FBXO34: variants seen among roughly 807,000 people sequenced by gnomAD.
FBXO34 encodes the protein F-box only protein 34.
Under a neutral mutation model 24.5 loss-of-function variants are expected in FBXO34, and 12 were observed. That is an observed-to-expected ratio of 0.49 (90% CI 0.31 to 0.79). FBXO34 has a LOEUF of 0.79. Ranked by LOEUF, FBXO34 falls within the 30% of genes least tolerant of loss-of-function variation. The pLI, the probability that FBXO34 is intolerant of heterozygous loss-of-function variation, is 0.04. For synonymous variants in FBXO34, 320 were observed against 311.9 expected (o/e 1.03, Z -0.27); for missense variants, 823 against 857.7 (o/e 0.96, Z 0.51).
chr14:55,374,353 A>C (rs1566577366), downstream of FBXO34, among the ~76,000 whole-genome samples: 1 of 152,094 alleles, frequency 6.6e-6, no homozygotes, highest in Non-Finnish European at 1.5e-5. Flanking sequence ...TTCTTGTGTG[A>C]GCCGCATGTT....
chr14:55,380,875 ATTTTT>A, the FBXO34 span, among the ~76,000 whole-genome samples: 1 of 112,732 alleles, frequency 8.9e-6, no homozygotes, highest in Admixed American at 9.0e-5. Flanking sequence ...ATATATATAT[ATTTTT>A]TTTTTTTTTT....
intron 1 of FBXO34, among the ~76,000 whole-genome samples, chr14:55,312,995 G>A (rs139727896): frequency 1.3e-5 from 2 of 152,224 alleles, no homozygotes; most frequent in Admixed American, 1.3e-4. Flanking sequence ...TTTCTTTTCT[G>A]TCACATCATC....
chr14:55,291,711 C>T (rs534864237), intron 1 of FBXO34, among the ~76,000 whole-genome samples: 1 of 152,118 alleles, frequency 6.6e-6, no homozygotes, highest in East Asian at 1.9e-4. Context: ...TGACATGCAC[C>T]TGTAATCCCA....
chr14:55,341,314 T>C (rs1299065876), intron 1 of FBXO34, among the ~76,000 whole-genome samples: 1 of 152,086 alleles, frequency 6.6e-6, no homozygotes, highest in East Asian at 1.9e-4. Flanking sequence ...ATATTGAAGA[T>C]GGGAGGGGGT....
At chr14:55,323,218 A>AAAATATAT (rs1566555819) in intron 1 of FBXO34, among the ~76,000 whole-genome samples, 2 of 31,626 alleles carry the variant, frequency 6.3e-5, no homozygotes, top group Non-Finnish European at 8.4e-5. Context: ...AAAAAAAAAA[A>AAAATATAT]ATATATATTT....
the FBXO34 span, among the ~76,000 whole-genome samples, chr14:55,398,689 C>T: frequency 6.6e-6 from 1 of 151,952 alleles, no homozygotes; most frequent in Non-Finnish European, 1.5e-5. Flanking sequence ...TATGGTATGC[C>T]GTGGAGAAAG....
intron 1 of FBXO34, chr14:55,339,396 G>C (rs1218942610): frequency 8.2e-6 from 1 of 121,514 alleles, no homozygotes; most frequent in Non-Finnish European, 1.6e-5. Flanking sequence ...CCCCAATCCT[G>C]GATCTATGCT....
chr14:55,319,859 T>TAG (rs1883068205), intron 1 of FBXO34, among the ~76,000 whole-genome samples: 1 of 152,086 alleles, frequency 6.6e-6, no homozygotes, highest in Non-Finnish European at 1.5e-5. Flanking sequence ...GTATTTTTAG[T>TAG]AGAGACGGGG....
At chr14:55,369,849 C>A, downstream of FBXO34, 1 of 1,614,202 alleles carries the variant, frequency 6.2e-7, no homozygotes, top group Non-Finnish European at 8.5e-7. Flanking sequence ...CCGCTCTCAT[C>A]TGATTCTCCA....
the FBXO34 span, among the ~76,000 whole-genome samples, chr14:55,441,731 T>G: frequency 2.0e-5 from 3 of 152,190 alleles, no homozygotes; most frequent in South Asian, 4.1e-4. Flanking sequence ...AGAGCTTAAC[T>G]GTGTAGAACA....
chr14:55,322,094 G>T (rs903491103), intron 1 of FBXO34, among the ~76,000 whole-genome samples: 2 of 151,856 alleles, frequency 1.3e-5, no homozygotes, highest in African/African-American at 4.8e-5. Context: ...AGGCTGAGGC[G>T]AGCGGATCAC....
At chr14:55,400,058 T>C in the FBXO34 span, among the ~76,000 whole-genome samples, 3 of 152,220 alleles carry the variant, frequency 2.0e-5, no homozygotes, top group African/African-American at 7.2e-5. Context: ...ATGAGTCACG[T>C]CCTCCTTCAT....
rs36092404 is a variant in FBXO34 at position 55,279,285 on chromosome 14, A to AG, written c.-11+7748_-11+7749insG. On this transcript the variant is annotated intron_variant, in intron 1 of 1. Transcript: ENST00000313833. ...TGGGCGACATAAGCGAGACTCCGTC[A>AG]AAAAAAAAAAAAAAGGAAAAAATAT... Among the ~76,000 whole-genome samples the AG allele has an allele frequency of 4.3e-4, 19 of 44,504 alleles. No individual in the cohort carries two copies. The African/African-American group carries it at 4.7e-3, about 11-fold the overall frequency. 29.2% of individuals were successfully genotyped at this position (44,504 alleles called of 152,430 possible). A position where few individuals can be genotyped will look rare whatever the true frequency, so the allele number is the denominator to read the frequency against.
At chr14:55,368,344 C>G (rs548096845), downstream of FBXO34, 1 of 152,370 alleles carries the variant, frequency 6.6e-6, no homozygotes, top group Admixed American at 6.5e-5. Flanking sequence ...CGCAGCCTCC[C>G]GAGTAGCTGG....
intron 1 of FBXO34, among the ~76,000 whole-genome samples, chr14:55,307,849 A>G (rs1161900551): frequency 1.3e-5 from 2 of 152,190 alleles, no homozygotes; most frequent in African/African-American, 2.4e-5. Flanking sequence ...TATGACTGTT[A>G]GCATTTATTC....
downstream of FBXO34, among the ~76,000 whole-genome samples, chr14:55,370,963 T>A (rs986832491): frequency 4.6e-5 from 7 of 151,956 alleles, no homozygotes; most frequent in African/African-American, 1.4e-4. Flanking sequence ...CTTTTTCCCC[T>A]CCCTTTCAAA....
chr14:55,298,860 A>T (rs1882238219), intron 1 of FBXO34: 4 of 1,610,430 alleles, frequency 2.5e-6, no homozygotes, highest in Non-Finnish European at 3.4e-6. Context: ...GATCGACGGT[A>T]CATTATCAAC....
At chr14:55,362,771 A>T (rs565381256), downstream of FBXO34, among the ~76,000 whole-genome samples, 1 of 151,854 alleles carries the variant, frequency 6.6e-6, no homozygotes, top group Non-Finnish European at 1.5e-5. Context: ...CCATCAAACC[A>T]CTTGGCACTT....
At chr14:55,417,438 A>AGAT in the FBXO34 span, among the ~76,000 whole-genome samples, 6 of 140,724 alleles carry the variant, frequency 4.3e-5, no homozygotes, top group African/African-American at 1.6e-4. Flanking sequence ...GGCTCCAATG[A>AGAT]GATGACCCTT....
Sources: gnomAD v4.1 joint callset for allele counts (sites outside exome capture counted in the v4.1 genomes callset) on GRCh38, gnomAD v4.1.1 for gene constraint, MANE v1.5 for transcripts, NCBI Gene and HGNC (gene_info 2026-07-23, HGNC 2026-07-21) for gene names.